The following NOS1AP variants were observed in gnomAD, a reference collection of about 807,000 sequenced individuals.
NOS1AP encodes nitric oxide synthase 1 adaptor protein.
In NOS1AP, 21 loss-of-function variants were observed where a neutral mutation model predicts 56.2. That is an observed-to-expected ratio of 0.37 (90% CI 0.26 to 0.54). The LOEUF (loss-of-function observed/expected upper bound fraction) is 0.54. Ranked by LOEUF, NOS1AP falls within the 20% of genes least tolerant of loss-of-function variation. NOS1AP has a pLI of 0.84. For synonymous variants in NOS1AP, 270 were observed against 274.6 expected, an observed-to-expected ratio of 0.98 and a Z score of 0.17; for missense variants, 522 against 657.8, an observed-to-expected ratio of 0.79 and a Z score of 2.26.
chr1:162,073,293 T>C (rs1382913538), intron 1 of NOS1AP, among the ~76,000 whole-genome samples: 1 of 152,218 alleles, frequency 6.6e-6, no homozygotes, highest in Non-Finnish European at 1.5e-5. Flanking sequence ...GATTTAAGCC[T>C]GGGGCTTTGA....
intron 1 of NOS1AP, among the ~76,000 whole-genome samples, chr1:162,082,895 T>TGACTGTAAAC (rs1160315749): frequency 1.3e-3 from 6 of 4,774 alleles, no homozygotes; most frequent in African/African-American, 1.1e-3. Flanking sequence ...TTTTCTTTTT[T>TGACTGTAAAC]TTTTTTTTTT....
chr1:162,332,119 G>C (rs1375865295), intron 4 of NOS1AP, among the ~76,000 whole-genome samples: 1 of 152,146 alleles, frequency 6.6e-6, no homozygotes, highest in Non-Finnish European at 1.5e-5. Context: ...ACTCCGTTGA[G>C]CCTCCCTGGG....
At chr1:162,271,917 ACT>A (rs958381683) in intron 2 of NOS1AP, among the ~76,000 whole-genome samples, 2 of 151,780 alleles carry the variant, frequency 1.3e-5, no homozygotes, top group African/African-American at 4.8e-5. Flanking sequence ...TTTTGGTCTC[ACT>A]CTGTCACCCA....
At chr1:162,284,104 T>C (rs1170985718) in intron 2 of NOS1AP, among the ~76,000 whole-genome samples, 1 of 152,222 alleles carries the variant, frequency 6.6e-6, no homozygotes, top group African/African-American at 2.4e-5. Context: ...GATTTGTCCC[T>C]GAGAGCCCCT....
chr1:162,289,896 T>A (rs947662342), intron 3 of NOS1AP, among the ~76,000 whole-genome samples: 2 of 152,344 alleles, frequency 1.3e-5, no homozygotes, highest in Middle Eastern at 3.4e-3. Flanking sequence ...AGTTTTGCCC[T>A]TAGAGCACAG....
At position 162,339,538 on chromosome 1, in the gene NOS1AP, A is replaced by G. The variant is rs75758154; in HGVS notation, c.454-4297A>G. On this transcript the variant is annotated intron_variant, in intron 5 of 9. Transcript: ENST00000361897. The stretch of plus-strand genomic sequence containing the variant: ...CTTTAAACCTCTGCTTTAGTCTCCA[A>G]AGGCCTGTATGTCGTCATGAGGTGG... 7.4e-4 allele frequency among the ~76,000 whole-genome samples: 112 copies of G among 152,298 alleles called. 1 individual carries two copies. In the East Asian group the frequency reaches 0.017, roughly 23 times the overall value.
intron 1 of NOS1AP, among the ~76,000 whole-genome samples, chr1:162,121,622 T>C (rs1016085122): frequency 1.3e-5 from 2 of 152,182 alleles, no homozygotes; most frequent in Non-Finnish European, 2.9e-5. Flanking sequence ...AGTGGTAAAC[T>C]GAGGAGACTG....
chr1:162,292,650 C>T (rs1045342386), intron 3 of NOS1AP, among the ~76,000 whole-genome samples: 3 of 152,102 alleles, frequency 2.0e-5, no homozygotes, highest in Non-Finnish European at 4.4e-5. Context: ...TTTTTGGACC[C>T]CTTTGGATAA....
intron 1 of NOS1AP, among the ~76,000 whole-genome samples, chr1:162,079,504 GT>G (rs1691841344): frequency 1.3e-5 from 2 of 152,114 alleles, no homozygotes. Flanking sequence ...GCCAAACTGT[GT>G]TTGGGTTCAA....
At chr1:162,132,153 AAGT>A (rs1046654477) in intron 1 of NOS1AP, among the ~76,000 whole-genome samples, 2 of 152,206 alleles carry the variant, frequency 1.3e-5, no homozygotes, top group African/African-American at 4.8e-5. Context: ...GGAAGTTTCA[AAGT>A]ACAGTTCCTG....
At position 162,370,383 on chromosome 1, in the gene NOS1AP, C is replaced by T. The variant is rs1426518863; in HGVS notation, c.*2916C>T. The T allele has an allele frequency of 6.6e-6, 1 of 152,196 alleles. No homozygotes were observed. The highest frequency in any genetic ancestry group is 1.5e-5 in the Non-Finnish European group (1 of 68,040). 9.4% of individuals were successfully genotyped at this position (152,196 alleles called of 1,614,324 possible). A position where few individuals can be genotyped will look rare whatever the true frequency, so the allele number is the denominator to read the frequency against. On this transcript the variant is annotated 3_prime_UTR_variant, in exon 10 of 10. Coordinates refer to ENST00000361897, the MANE Select transcript of NOS1AP (RefSeq NM_014697.3). ...TCATTAACTCTGTTGGATCAACTCT[C>T]TGGGAAAAGATTCTGTTAATGTAAG... is the stretch of plus-strand genomic sequence containing the variant.
chr1:162,310,202 G>C (rs1461183000), intron 4 of NOS1AP, among the ~76,000 whole-genome samples: 1 of 151,856 alleles, frequency 6.6e-6, no homozygotes, highest in African/African-American at 2.4e-5. Context: ...AGGCACAAAG[G>C]GTCATAAAAA....
chr1:162,244,840 C>T (rs752071788), intron 2 of NOS1AP, among the ~76,000 whole-genome samples: 21 of 152,238 alleles, frequency 1.4e-4, no homozygotes, highest in East Asian at 1.9e-4. Flanking sequence ...GTTGAGCTAA[C>T]GATTCAAAGT....
At chr1:162,355,442 G>A (rs1029507303) in intron 7 of NOS1AP, 89 bp downstream of exon 7, 9 of 1,519,172 alleles carry the variant, frequency 5.9e-6, no homozygotes, top group East Asian at 2.3e-5. Flanking sequence ...CTCAGCTTCC[G>A]AGTGAGGCAC....
At chr1:162,125,995 G>A (rs141840220) in intron 1 of NOS1AP, among the ~76,000 whole-genome samples, 23 of 151,716 alleles carry the variant, frequency 1.5e-4, no homozygotes, top group African/African-American at 5.6e-4. Flanking sequence ...TCACCTCCTT[G>A]GTTAAATATA....
chr1:162,110,381 A>G (rs1647665551), intron 1 of NOS1AP, among the ~76,000 whole-genome samples: 1 of 151,942 alleles, frequency 6.6e-6, no homozygotes, highest in South Asian at 2.1e-4. Context: ...GAAAATTTTA[A>G]TATGGATTAT....
chr1:162,132,554 A>C (rs533994429), intron 1 of NOS1AP, among the ~76,000 whole-genome samples: 19 of 152,394 alleles, frequency 1.2e-4, no homozygotes, highest in African/African-American at 4.6e-4. Context: ...TTATCTGATA[A>C]AGTGAGATCA....
chr1:162,357,552 T>C (rs367966370), intron 8 of NOS1AP, among the ~76,000 whole-genome samples: 3 of 148,556 alleles, frequency 2.0e-5, no homozygotes, highest in African/African-American at 7.3e-5. Context: ...AGTATGAATT[T>C]GTGCCAAACA....
chr1:162,124,971 A>T (rs762698959), intron 1 of NOS1AP, among the ~76,000 whole-genome samples: 3 of 152,146 alleles, frequency 2.0e-5, no homozygotes, highest in Admixed American at 6.5e-5. Flanking sequence ...GTAGATACCC[A>T]GTAGTGGGAT....
Sources: gnomAD v4.1 joint callset for allele counts (sites outside exome capture counted in the v4.1 genomes callset) on GRCh38, gnomAD v4.1.1 for gene constraint, MANE v1.5 for transcripts, NCBI Gene and HGNC (gene_info 2026-07-23, HGNC 2026-07-21) for gene names.